SYT14: variants seen among roughly 807,000 people sequenced by gnomAD.
The protein encoded by SYT14 is synaptotagmin 14.
A neutral mutation model predicts 74.2 loss-of-function variants in SYT14; 32 were observed. The ratio of observed to expected loss-of-function variants is 0.43; its 90% CI spans 0.33 to 0.58. SYT14 has a LOEUF of 0.58. Among genes scored for constraint, SYT14 ranks in the 20% least tolerant of loss-of-function variants. The pLI is 0.05. For missense variants in SYT14, 791 were observed against 981.8 expected, an observed-to-expected ratio of 0.81 and a Z score of 2.60; for synonymous variants, 298 against 337.7, an observed-to-expected ratio of 0.88 and a Z score of 1.29.
intron 2 of SYT14, among the ~76,000 whole-genome samples, chr1:209,982,972 T>C (rs2102806644): frequency 6.6e-6 from 1 of 152,324 alleles, no homozygotes; most frequent in East Asian, 1.9e-4. Context: ...TTTTATGTGT[T>C]AATTTGCTAT....
In SYT14 at chr1:209,938,549, A is replaced by C. The variant is rs567270492; in HGVS notation, c.-534+272A>C. On this transcript the variant is annotated intron_variant, in intron 1 of 9. Coordinates refer to ENST00000637265, the Ensembl canonical transcript of SYT14. ...CGCGGGGCAAAGCGGGCTGGCGGGC[A>C]GGTACAGCGTCCGGGCCGCCGCCTC... is the stretch of plus-strand genomic sequence containing the variant. 2.0e-5 allele frequency among the ~76,000 whole-genome samples: 3 copies of C among 151,918 alleles called. No individual in the cohort carries two copies. In the East Asian group the frequency reaches 5.9e-4, roughly 30 times the overall value.
intron 2 of SYT14, among the ~76,000 whole-genome samples, chr1:209,956,087 T>G (rs1460819392): frequency 2.0e-5 from 3 of 152,204 alleles, no homozygotes; most frequent in Admixed American, 2.0e-4. Flanking sequence ...TAACTCCTCA[T>G]TAACCATGGT....
chr1:209,967,349 T>C (rs2079172012), intron 2 of SYT14, among the ~76,000 whole-genome samples: 1 of 152,152 alleles, frequency 6.6e-6, no homozygotes, highest in Non-Finnish European at 1.5e-5. Flanking sequence ...TTCCCTCCTC[T>C]TGAATTTTGT....
At chr1:210,120,380 G>A (rs200477177) in intron 7 of SYT14, among the ~76,000 whole-genome samples, 46 of 100,412 alleles carry the variant, frequency 4.6e-4, no homozygotes, top group Middle Eastern at 5.0e-3. Flanking sequence ...TTTTTTTTTT[G>A]TTTGAGATAG....
chr1:210,061,157 C>T (rs2081201075), intron 5 of SYT14, among the ~76,000 whole-genome samples: 1 of 151,866 alleles, frequency 6.6e-6, no homozygotes, highest in Admixed American at 6.6e-5. Context: ...TTTCATCCTT[C>T]ATATTACTAC....
At chr1:210,099,842 C>T (rs2102543957) in intron 6 of SYT14, among the ~76,000 whole-genome samples, 170 bp from the exon 6 acceptor site, 1 of 152,280 alleles carries the variant, frequency 6.6e-6, no homozygotes, top group Admixed American at 6.5e-5. Flanking sequence ...CTGTACTAAT[C>T]TCGCTCTATA....
At chr1:210,091,957 A>T (rs975886592) in intron 5 of SYT14, among the ~76,000 whole-genome samples, 1 of 152,176 alleles carries the variant, frequency 6.6e-6, no homozygotes, top group African/African-American at 2.4e-5. Context: ...AAGGTAAAGG[A>T]GTAGATGGTG....
At chr1:210,108,596 G>A (rs1356544156) in intron 7 of SYT14, among the ~76,000 whole-genome samples, 1 of 151,772 alleles carries the variant, frequency 6.6e-6, no homozygotes, top group Non-Finnish European at 1.5e-5. Context: ...AGAGCCTTGG[G>A]CATGTTTAAA....
intron 5 of SYT14, among the ~76,000 whole-genome samples, chr1:210,042,628 A>G (rs900379203): frequency 2.0e-5 from 3 of 152,178 alleles, no homozygotes; most frequent in Non-Finnish European, 4.4e-5. Flanking sequence ...TCCTTTCCCC[A>G]TTGCTTGTTT....
chr1:209,981,838 T>G (rs1056208201), intron 2 of SYT14, among the ~76,000 whole-genome samples: 1 of 152,152 alleles, frequency 6.6e-6, no homozygotes, highest in Non-Finnish European at 1.5e-5. Flanking sequence ...AGGCCTGCTC[T>G]TAGTCTCATG....
At position 209,978,497 on chromosome 1, in the gene SYT14, G is replaced by A. The variant is rs557832137; in HGVS notation, c.-486+25741G>A. Among the ~76,000 whole-genome samples, 14 of 152,318 alleles carry A rather than the reference G, an allele frequency of 9.2e-5. No individual in the cohort carries two copies. In the East Asian group the frequency reaches 2.7e-3, roughly 29 times the overall value. On this transcript the variant is annotated intron_variant, in intron 2 of 9. Transcript: ENST00000637265. The stretch of plus-strand genomic sequence containing the variant: ...CCAGACCCTGTTTGCCTGGGTATCA[G>A]CAGCAGAGGCTGCAGAACAGCAGAT...
At chr1:209,949,848 G>A (rs547381161) in intron 1 of SYT14, among the ~76,000 whole-genome samples, 4 of 152,240 alleles carry the variant, frequency 2.6e-5, no homozygotes, top group African/African-American at 4.8e-5. Flanking sequence ...TTTGACTTTT[G>A]TGGGTACTTG....
chr1:210,092,809 A>G (rs561234309), intron 5 of SYT14, among the ~76,000 whole-genome samples: 54 of 152,332 alleles, frequency 3.5e-4, no homozygotes, highest in African/African-American at 1.1e-3. Flanking sequence ...GAAAAAATGT[A>G]TGGTTTCATC....
At chr1:209,973,936 T>G (rs2079307871) in intron 2 of SYT14, among the ~76,000 whole-genome samples, 2 of 152,222 alleles carry the variant, frequency 1.3e-5, no homozygotes, top group Admixed American at 1.3e-4. Flanking sequence ...CATTGTGGTT[T>G]TGATTTGCAT....
chr1:209,995,369 A>G (rs1266556741), intron 2 of SYT14, among the ~76,000 whole-genome samples: 2 of 152,230 alleles, frequency 1.3e-5, no homozygotes, highest in Non-Finnish European at 2.9e-5. Flanking sequence ...TGTTAAGCCA[A>G]TAAAAATTAA....
At chr1:210,024,215 G>A (rs1379517190) in intron 5 of SYT14, among the ~76,000 whole-genome samples, 2 of 152,144 alleles carry the variant, frequency 1.3e-5, no homozygotes, top group Admixed American at 1.3e-4. Context: ...TTTTTACTAA[G>A]GAACCATAAT....
At chr1:210,055,433 A>G (rs573409258) in intron 5 of SYT14, among the ~76,000 whole-genome samples, 16 of 152,336 alleles carry the variant, frequency 1.1e-4, no homozygotes, top group East Asian at 3.9e-4. Flanking sequence ...ACTTCAAACT[A>G]TCTAAAAAAT....
chr1:209,965,887 T>A (rs1263091822), intron 2 of SYT14: 1 of 453,690 alleles, frequency 2.2e-6, no homozygotes, highest in Non-Finnish European at 4.4e-6. Context: ...CTTTTTTTTT[T>A]TTTAGATAGG....
In SYT14 at chr1:210,052,665, C is replaced by CAAAAAAAAAAA. The variant is rs561069342; in HGVS notation, c.1312+31420_1312+31430dup. 3.4e-3 allele frequency among the ~76,000 whole-genome samples: 145 copies of CAAAAAAAAAAA among 42,248 alleles called. 34 individuals carry two copies. Among genetic ancestry groups the CAAAAAAAAAAA allele is most frequent in the African/African-American group, 0.012 (112 of 9,236 alleles). The allele number at this position is 42,248 out of a possible 152,430, so 27.7% of individuals were successfully genotyped here. On this transcript the variant is annotated intron_variant, in intron 5 of 9. Transcript: ENST00000637265. The stretch of plus-strand genomic sequence containing the variant: ...CAGCAAGAGCGAAACTACATCTCAC[C>CAAAAAAAAAAA]AAAAAAAAAAAAAAAAAAAGCTCTC...
Sources: gnomAD v4.1 joint callset for allele counts (sites outside exome capture counted in the v4.1 genomes callset) on GRCh38, gnomAD v4.1.1 for gene constraint, MANE v1.5 for transcripts, NCBI Gene and HGNC (gene_info 2026-07-23, HGNC 2026-07-21) for gene names.